The following ERBB4 variants were observed in gnomAD, a reference collection of about 807,000 sequenced individuals.
ERBB4 encodes the protein erb-b2 receptor tyrosine kinase 4.
A neutral mutation model predicts 158.0 loss-of-function variants in ERBB4; 42 were observed. The observed-to-expected ratio is 0.27, with a 90% confidence interval of 0.21 to 0.34. The LOEUF (loss-of-function observed/expected upper bound fraction) is 0.34. Among genes scored for constraint, ERBB4 ranks in the 10% least tolerant of loss-of-function variants. The pLI is 1.00. For synonymous variants in ERBB4, 583 were observed against 558.7 expected (o/e 1.04, Z -0.61); for missense variants, 1,333 against 1,624.1 (o/e 0.82, Z 3.08).
chr2:212,206,589 C>CT (rs5838309), intron 1 of ERBB4, among the ~76,000 whole-genome samples: 12,643 of 116,306 alleles, frequency 0.11, 1,912 homozygotes, highest in South Asian at 0.22. Flanking sequence ...CTGTTCTGTT[C>CT]TTTTTTTTTT....
At chr2:212,078,939 AC>A (rs990950405) in intron 2 of ERBB4, among the ~76,000 whole-genome samples, 1 of 151,122 alleles carries the variant, frequency 6.6e-6, no homozygotes, top group African/African-American at 2.4e-5. Context: ...TAATATACAT[AC>A]TTTTTAATAA....
chr2:212,123,416 A>T (rs2079820289), intron 2 of ERBB4, among the ~76,000 whole-genome samples: 2 of 152,214 alleles, frequency 1.3e-5, no homozygotes, highest in Admixed American at 6.5e-5. Flanking sequence ...AAACAAAACA[A>T]AACAAAACAA....
At chr2:211,774,742 T>C (rs2075829622) in intron 4 of ERBB4, among the ~76,000 whole-genome samples, 1 of 152,196 alleles carries the variant, frequency 6.6e-6, no homozygotes, top group Admixed American at 6.5e-5. Context: ...AATCTTTCCT[T>C]AGAGTATGAC....
At chr2:211,784,032 C>T (rs1478076337) in intron 4 of ERBB4, among the ~76,000 whole-genome samples, 1 of 152,096 alleles carries the variant, frequency 6.6e-6, no homozygotes, top group Admixed American at 6.5e-5. Context: ...TTAATTATTG[C>T]CTCAATTTCA....
chr2:212,374,108 A>ATATATC (rs1251527706), intron 1 of ERBB4, among the ~76,000 whole-genome samples: 4 of 146,254 alleles, frequency 2.7e-5, no homozygotes, highest in Admixed American at 7.0e-5. Context: ...ATATATACAC[A>ATATATC]CACATATATA....
chr2:212,158,965 T>C (rs1474687097), intron 1 of ERBB4, among the ~76,000 whole-genome samples: 1 of 152,018 alleles, frequency 6.6e-6, no homozygotes, highest in Non-Finnish European at 1.5e-5. Flanking sequence ...CACTATTTGA[T>C]CATTAAATAA....
rs918972978 is a variant in ERBB4, at chr2:212,538,463, C to T, written c.68G>A (p.Ser23Asn). Residue 23 changes from serine (S) to asparagine (N), a missense_variant, in exon 1 of 28, where the codon AGC becomes AAC. Physicochemically the swap from Ser to Asn is conservative, Grantham distance 46. This residue lies in a region of ERBB4 where 438 missense variants were observed against 586.9 expected (regional missense o/e 0.75). Coordinates refer to ENST00000342788, the MANE Select transcript of ERBB4 (RefSeq NM_005235.3). ...LLVAAGTVQP[S>N]DSQSVCAGTE... ...AAGGAACCCACCTGACTGAGAATCG[C>T]TGGGCTGGACGGTCCCCGCCGCCAC... The T allele has an allele frequency of 6.2e-7, 1 of 1,613,972 alleles. No homozygotes were observed. Among genetic ancestry groups the T allele is most frequent in the Non-Finnish European group, 8.5e-7 (1 of 1,179,868 alleles).
intron 19 of ERBB4, among the ~76,000 whole-genome samples, chr2:211,593,710 A>T (rs1341986322): frequency 1.3e-5 from 2 of 152,132 alleles, no homozygotes; most frequent in African/African-American, 2.4e-5. Flanking sequence ...TTGACCAGAG[A>T]TAGGTTTATT....
chr2:211,709,274 T>TATATATATATATAC (rs1553615210), intron 9 of ERBB4, among the ~76,000 whole-genome samples: 9 of 136,550 alleles, frequency 6.6e-5, no homozygotes, highest in African/African-American at 2.6e-4. Flanking sequence ...TATATATATA[T>TATATATATATATAC]ACATACATAT....
At chr2:211,390,661 G>A (rs898251756) in intron 25 of ERBB4, among the ~76,000 whole-genome samples, 21 of 152,134 alleles carry the variant, frequency 1.4e-4, no homozygotes, top group Admixed American at 3.3e-4. Context: ...GGACTCTTGC[G>A]GTTAGTCTGT....
chr2:211,947,400 C>T, intron 3 of ERBB4, 30 bp downstream of exon 3: 3 of 1,568,300 alleles, frequency 1.9e-6, no homozygotes, highest in Non-Finnish European at 2.6e-6. Flanking sequence ...ATAATGAAAG[C>T]ATATTTGCCA....
At chr2:212,123,395 TC>T (rs2079819735) in intron 2 of ERBB4, among the ~76,000 whole-genome samples, 2 of 152,124 alleles carry the variant, frequency 1.3e-5, no homozygotes, top group Non-Finnish European at 2.9e-5. Flanking sequence ...AGAGCAAGAC[TC>T]CATCTCACAA....
intron 1 of ERBB4, among the ~76,000 whole-genome samples, chr2:212,357,889 A>T (rs2089525497): frequency 6.6e-6 from 1 of 151,838 alleles, no homozygotes; most frequent in African/African-American, 2.4e-5. Context: ...ACAATAATGG[A>T]TTTCATGGTG....
rs1345691806 is a variant in ERBB4, at chr2:211,381,085, G to T, written c.*2530C>A. ...CTTTTCCTAGAGACTTCTCTGAATG[G>T]ATAGGAGAGCCCTGAGCTATTAGAT... On this transcript the variant is annotated 3_prime_UTR_variant, in exon 28 of 28. Transcript: ENST00000342788. The T allele has an allele frequency of 8.6e-6, 2 of 232,376 alleles. No homozygotes were observed. The highest frequency in any genetic ancestry group is 6.1e-5 in the East Asian group (1 of 16,500). 14.4% of individuals were successfully genotyped at this position (232,376 alleles called of 1,614,324 possible). A position where few individuals can be genotyped will look rare whatever the true frequency, so the allele number is the denominator to read the frequency against.
chr2:212,501,381 G>C (rs747993425), intron 1 of ERBB4, among the ~76,000 whole-genome samples: 2 of 152,030 alleles, frequency 1.3e-5, no homozygotes, highest in Non-Finnish European at 2.9e-5. Context: ...CTTCAGACAA[G>C]GTCAAACCCT....
intron 1 of ERBB4, among the ~76,000 whole-genome samples, chr2:212,233,429 A>C (rs1407512829): frequency 6.6e-6 from 1 of 152,166 alleles, no homozygotes; most frequent in East Asian, 1.9e-4. Flanking sequence ...CTATTTTCAA[A>C]ATTTTAATTC....
intron 1 of ERBB4, among the ~76,000 whole-genome samples, chr2:212,324,697 T>C (rs893704905): frequency 3.3e-5 from 5 of 150,454 alleles, no homozygotes; most frequent in Non-Finnish European, 6.0e-5. Flanking sequence ...TATGAGAAGA[T>C]TAGACAGAAT....
intron 1 of ERBB4, among the ~76,000 whole-genome samples, chr2:212,190,464 G>C (rs939501286): frequency 6.6e-6 from 1 of 152,032 alleles, no homozygotes; most frequent in Non-Finnish European, 1.5e-5. Context: ...GTGAACCCGG[G>C]AGGTGGGGCT....
At chr2:211,640,693 T>TAGATAAGCAGGAAAAAGAAA (rs1559373388) in intron 16 of ERBB4, among the ~76,000 whole-genome samples, 2 of 152,128 alleles carry the variant, frequency 1.3e-5, no homozygotes, top group African/African-American at 4.8e-5. Context: ...AGTTGTAAGA[T>TAGATAAGCAGGAAAAAGAAA]AGATAAGCAG....
Sources: allele counts gnomAD v4.1 joint callset (sites outside exome capture counted in the v4.1 genomes callset), GRCh38; gene constraint gnomAD v4.1.1; regional missense constraint gnomAD v4.1.1; transcripts MANE v1.5; gene names NCBI Gene and HGNC (gene_info 2026-07-23, HGNC 2026-07-21).